Variants in OR1I1 observed in about 807,000 individuals in gnomAD.
OR1I1 encodes olfactory receptor family 1 subfamily I member 1.
For missense variants in OR1I1, 451 were observed against 443.6 expected (o/e 1.02, Z -0.15); for synonymous variants, 171 against 181.4 (o/e 0.94, Z 0.46).
At position 15,085,157 on chromosome 19, in the gene OR1I1, TATATATATATATA is replaced by T. The variant is rs1419768306; in HGVS notation, c.-13-1895_-13-1883del. On this transcript the variant is annotated intron_variant, in intron 1 of 1. Coordinates refer to ENST00000641398, the MANE Select transcript of OR1I1 (RefSeq NM_001004713.2). The stretch of plus-strand genomic sequence containing the variant: ...ATATATATATATATATATATATATA[TATATATATATATA>T]TATATATTTTTTTTTTTGAGACAGA... Among the ~76,000 whole-genome samples the T allele has an allele frequency of 3.3e-3, 138 of 41,196 alleles. 10 individuals are homozygous for T. Among genetic ancestry groups the T allele is most frequent in the African/African-American group, 0.011 (86 of 7,600 alleles). 27.0% of individuals were successfully genotyped at this position (41,196 alleles called of 152,430 possible). A position where few individuals can be genotyped will look rare whatever the true frequency, so the allele number is the denominator to read the frequency against.
intron 1 of OR1I1, among the ~76,000 whole-genome samples, chr19:15,082,741 C>T (rs2046214236): frequency 1.8e-5 from 2 of 113,944 alleles, no homozygotes; most frequent in Non-Finnish European, 3.3e-5. Flanking sequence ...AGGGAAAGGG[C>T]TTAGCTTTTT....
At chr19:15,085,389 C>T (rs1193051529) in intron 1 of OR1I1, among the ~76,000 whole-genome samples, 2 of 151,550 alleles carry the variant, frequency 1.3e-5, no homozygotes, top group Non-Finnish European at 2.9e-5. Flanking sequence ...AGGCTGACCT[C>T]TCAAACTCCT....
chr19:15,086,222 G>A (rs1191374746), intron 1 of OR1I1, among the ~76,000 whole-genome samples: 5 of 152,134 alleles, frequency 3.3e-5, no homozygotes, highest in Middle Eastern at 3.4e-3. Flanking sequence ...GCTGAGGCAC[G>A]AGAATCACTT....
In OR1I1 at chr19:15,088,739, T is replaced by C. The variant is rs2046242617; in HGVS notation, c.*606T>C. On this transcript the variant is annotated 3_prime_UTR_variant, in exon 2 of 2. Transcript: ENST00000641398. Reference sequence around the variant, plus strand: ...AGACAGATAGATAGAGAGGATAAGATAAGATAGGTAGATAGGGTGGATAGA... The same window carrying C: ...AGACAGATAGATAGAGAGGATAAGACAAGATAGGTAGATAGGGTGGATAGA... The C allele has an allele frequency of 2.4e-5, 3 of 123,914 alleles. No homozygotes were observed. The highest frequency in any genetic ancestry group is 5.3e-5 in the Non-Finnish European group (3 of 56,724). 7.7% of individuals were successfully genotyped at this position (123,914 alleles called of 1,614,324 possible).
intron 1 of OR1I1, among the ~76,000 whole-genome samples, chr19:15,085,129 CTTATATATATATAT>C (rs1568321772): frequency 1.5e-5 from 1 of 64,852 alleles, no homozygotes; most frequent in African/African-American, 4.4e-5. Flanking sequence ...GCATTTTTGA[CTTATATATATATAT>C]ATATATATAT....
At position 15,087,601 on chromosome 19, in the gene OR1I1, G is replaced by A. The variant is rs1386291562; in HGVS notation, c.536G>A (p.Cys179Tyr). Reference protein sequence around the residue: ...CAGSEISHFFCDLMPLLKLSG... With the variant: ...CAGSEISHFFYDLMPLLKLSG... ...GGCTCTGAAATCTCCCACTTCTTCT[G>A]TGACCTCATGCCCCTGCTGAAGCTC... The change falls in exon 2 of 2, where the codon TGT becomes TAT. Residue 179 changes from cysteine (C) to tyrosine (Y), a missense_variant. Transcript: ENST00000641398. The A allele has an allele frequency of 1.2e-6, 2 of 1,614,010 alleles. No individual in the cohort carries two copies. The highest frequency in any genetic ancestry group is 8.5e-7 in the Non-Finnish European group (1 of 1,180,040).
At position 15,087,303 on chromosome 19, in the gene OR1I1, A is replaced by G. The variant is rs774674991; in HGVS notation, c.238A>G (p.Lys80Glu). 2 of 1,614,072 alleles carry G rather than the reference A, an allele frequency of 1.2e-6. No individual in the cohort carries two copies. The highest frequency in any genetic ancestry group is 1.7e-6 in the Non-Finnish European group (2 of 1,180,012). ...DTLLSSTTVP[K>E]MLANIQAQSR... ...CCTATTATCCTCCACCACCGTCCCC[A>G]AGATGCTAGCGAACATCCAGGCTCA... is the stretch of plus-strand genomic sequence containing the variant. Residue 80 changes from lysine (K) to glutamate (E), a missense_variant, in exon 2 of 2, where the codon AAG (lysine) becomes GAG (glutamate). Coordinates refer to ENST00000641398, the MANE Select transcript of OR1I1 (RefSeq NM_001004713.2).
chr19:15,087,991 C>A lies in OR1I1; in HGVS notation c.926C>A (p.Ala309Asp). The A allele has an allele frequency of 1.9e-6, 3 of 1,614,128 alleles. No individual in the cohort carries two copies. Among genetic ancestry groups the A allele is most frequent in the Non-Finnish European group, 2.5e-6 (3 of 1,179,986 alleles). The change falls in exon 2 of 2, where the codon GCC (alanine) becomes GAC (aspartate). Residue 309 changes from alanine (A) to aspartate (D), a missense_variant. Coordinates refer to ENST00000641398, the MANE Select transcript of OR1I1 (RefSeq NM_001004713.2). ...CTGGGGAAGCTCATCGGCAAAGTGG[C>A]CGTCCCCTGTCCTAGGCCAGAACAG... ...AALGKLIGKV[A>D]VPCPRPEQLL...
rs1315101706 is a variant in OR1I1, at chr19:15,087,888, G to A, written c.823G>A (p.Ala275Thr). The A allele has an allele frequency of 1.2e-5, 19 of 1,614,062 alleles. No homozygotes were observed. Among genetic ancestry groups the A allele is most frequent in the Admixed American group, 3.3e-5 (2 of 59,992 alleles). The change falls in exon 2 of 2, where the codon GCC becomes ACC. Residue 275 changes from alanine to threonine, a missense_variant. Coordinates refer to ENST00000641398, the MANE Select transcript of OR1I1 (RefSeq NM_001004713.2). Reference sequence around the variant, plus strand: ...CTCCTCCCAGAAGGACAAGGCAGCCGCCCTAATGTGTGGGGTGTTCATCCC... The same window carrying A: ...CTCCTCCCAGAAGGACAAGGCAGCCACCCTAATGTGTGGGGTGTTCATCCC... Reference protein sequence around the residue: ...PSSSQKDKAAALMCGVFIPML... With the variant: ...PSSSQKDKAATLMCGVFIPML...
rs2046245957 is a variant in OR1I1 at position 15,089,000 on chromosome 19, C to G, written c.*867C>G. ...AGATAGATGAGATAGGTAGGTAGGTCAGTCGATCGATTGATCAATCGATCA... is the reference window on the plus strand; with the variant it reads ...AGATAGATGAGATAGGTAGGTAGGTGAGTCGATCGATTGATCAATCGATCA... On this transcript the variant is annotated 3_prime_UTR_variant, in exon 2 of 2. Coordinates refer to ENST00000641398, the MANE Select transcript of OR1I1 (RefSeq NM_001004713.2). 1 of 97,038 alleles carries G rather than the reference C, an allele frequency of 1.0e-5. No individual in the cohort carries two copies. 6.0% of individuals were successfully genotyped at this position (97,038 alleles called of 1,614,324 possible).
At position 15,087,313 on chromosome 19, in the gene OR1I1, C is replaced by T. The variant is rs770319041; in HGVS notation, c.248C>T (p.Ala83Val). The change falls in exon 2 of 2, where the codon GCG (alanine) becomes GTG (valine). Residue 83 changes from alanine (A) to valine (V), a missense_variant. Transcript: ENST00000641398. ...TCCACCACCGTCCCCAAGATGCTAG[C>T]GAACATCCAGGCTCAGAGCAGAGCC... ...LSSTTVPKML[A>V]NIQAQSRAIP... 12 of 1,614,170 alleles carry T rather than the reference C, an allele frequency of 7.4e-6. No individual in the cohort carries two copies. The highest frequency in any genetic ancestry group is 1.6e-4 in the Middle Eastern group (1 of 6,062).
chr19:15,089,923 T>C lies in OR1I1; in HGVS notation c.*1790T>C, dbSNP rs1165775647. 6.6e-6 allele frequency: 1 copy of C among 152,090 alleles called. No individual in the cohort carries two copies. 9.4% of individuals were successfully genotyped at this position (152,090 alleles called of 1,614,324 possible). On this transcript the variant is annotated 3_prime_UTR_variant, in exon 2 of 2. Transcript: ENST00000641398. ...TGTGACCATATTTGAAGATAGGGTG[T>C]TTACAGAGGTCATTAGATTACAGTA...
rs1338171841 is a variant in OR1I1 at position 15,092,139 on chromosome 19, G to A, written c.*4006G>A. On this transcript the variant is annotated 3_prime_UTR_variant, in exon 2 of 2. Transcript: ENST00000641398. ...TTTTGGTTGTTTTTTTTTTTTCCCC[G>A]GAAACTTGTATTCTAGCTGTGAACT... The A allele has an allele frequency of 2.3e-5, 2 of 88,722 alleles. No individual in the cohort carries two copies. The highest frequency in any genetic ancestry group is 3.7e-4 in the South Asian group (1 of 2,700). 5.5% of individuals were successfully genotyped at this position (88,722 alleles called of 1,614,324 possible). A position where few individuals can be genotyped will look rare whatever the true frequency, so the allele number is the denominator to read the frequency against.
At position 15,085,172 on chromosome 19, in the gene OR1I1, A is replaced by ATT. The variant is rs1445498185; in HGVS notation, c.-13-1880_-13-1879insTT. On this transcript the variant is annotated intron_variant, in intron 1 of 1. Transcript: ENST00000641398. Reference sequence around the variant, plus strand: ...TATATATATATATATATATATATATATATATTTTTTTTTTTGAGACAGAGT... The same window carrying ATT: ...TATATATATATATATATATATATATATTTATATTTTTTTTTTTGAGACAGAGT... Among the ~76,000 whole-genome samples, 94 of 30,206 alleles carry ATT rather than the reference A, an allele frequency of 3.1e-3. 11 individuals are homozygous for ATT. Among genetic ancestry groups the ATT allele is most frequent in the Non-Finnish European group, 4.7e-3 (66 of 13,938 alleles). The allele number at this position is 30,206 out of a possible 152,430, so 19.8% of individuals were successfully genotyped here. A position where few individuals can be genotyped will look rare whatever the true frequency, so the allele number is the denominator to read the frequency against.
chr19:15,088,299 T>C lies in OR1I1; in HGVS notation c.*166T>C, dbSNP rs2046240303. 2 of 744,964 alleles carry C rather than the reference T, an allele frequency of 2.7e-6. No homozygotes were observed. Among genetic ancestry groups the C allele is most frequent in the African/African-American group, 1.8e-5 (1 of 56,684 alleles). The allele number at this position is 744,964 out of a possible 1,614,324, so 46.1% of individuals were successfully genotyped here. On this transcript the variant is annotated 3_prime_UTR_variant, in exon 2 of 2. Coordinates refer to ENST00000641398, the MANE Select transcript of OR1I1 (RefSeq NM_001004713.2). ...TAGCCCTCCTGGAGGATCAGCCTTTTAGGATTGCTATGTGAATAAGAGTAG... is the reference window on the plus strand; with the variant it reads ...TAGCCCTCCTGGAGGATCAGCCTTTCAGGATTGCTATGTGAATAAGAGTAG...
chr19:15,087,031 T>C (rs2046232288), intron 1 of OR1I1, 22 bp from the exon 2 acceptor site: 1 of 1,569,564 alleles, frequency 6.4e-7, no homozygotes, highest in South Asian at 1.2e-5. Flanking sequence ...GTGTGGTTTT[T>C]CTCCCTTTTT....
intron 1 of OR1I1, among the ~76,000 whole-genome samples, chr19:15,086,463 T>C (rs12980902): frequency 1.3e-5 from 2 of 152,120 alleles, no homozygotes; most frequent in Non-Finnish European, 2.9e-5. Context: ...TGTTTTTTGT[T>C]TTTTGTTTGA....
intron 1 of OR1I1, among the ~76,000 whole-genome samples, chr19:15,083,849 G>A (rs1234603253): frequency 3.3e-5 from 5 of 152,108 alleles, no homozygotes; most frequent in African/African-American, 7.2e-5. Flanking sequence ...TTAATCGGGC[G>A]TGGTGATGCA....
intron 1 of OR1I1, among the ~76,000 whole-genome samples, chr19:15,084,519 C>T (rs1363185491): frequency 6.6e-6 from 1 of 152,076 alleles, no homozygotes; most frequent in Non-Finnish European, 1.5e-5. Context: ...GATCGCGCCA[C>T]TGCACTCCAG....
Sources: gnomAD v4.1 joint callset for allele counts (sites outside exome capture counted in the v4.1 genomes callset) on GRCh38, gnomAD v4.1.1 for gene constraint, MANE v1.5 for transcripts, NCBI Gene and HGNC (gene_info 2026-07-23, HGNC 2026-07-21) for gene names.